L3MBTL4: variants seen among roughly 807,000 people sequenced by gnomAD.
L3MBTL4 encodes the protein lethal(3)malignant brain tumor-like protein 4.
Under a neutral mutation model 84.5 loss-of-function variants are expected in L3MBTL4, and 70 were observed. That is an observed-to-expected ratio of 0.83 (90% confidence interval 0.68 to 1.01). The LOEUF is 1.01. Among genes scored for constraint, L3MBTL4 ranks in the 50% least tolerant of loss-of-function variants. The pLI is 0.00. For missense variants in L3MBTL4, 715 were observed against 754.8 expected (o/e 0.95, Z 0.62); for synonymous variants, 274 against 259.8 (o/e 1.05, Z -0.52).
intron 2 of L3MBTL4, 60 bp downstream of exon 2, chr18:6,311,938 C>T (rs942406967): frequency 3.7e-5 from 10 of 270,856 alleles, no homozygotes; most frequent in Non-Finnish European, 5.8e-5. Context: ...TGCTTTTTTG[C>T]TTAGCTGACC....
At chr18:6,125,178 G>A (rs2059649302) in intron 14 of L3MBTL4, among the ~76,000 whole-genome samples, 1 of 144,728 alleles carries the variant, frequency 6.9e-6, no homozygotes, top group Non-Finnish European at 1.5e-5. Flanking sequence ...AAGGAAGGAG[G>A]AAAGGAAGGA....
intron 1 of L3MBTL4, among the ~76,000 whole-genome samples, chr18:6,325,662 G>A (rs976107318): frequency 6.6e-6 from 1 of 152,188 alleles, no homozygotes; most frequent in African/African-American, 2.4e-5. Context: ...AGCAGTTGGG[G>A]AGGAAAATTA....
chr18:6,012,816 ATGGGAACACGTGCAGTTTCTTG>A (rs753475652), intron 16 of L3MBTL4, among the ~76,000 whole-genome samples: 2 of 152,156 alleles, frequency 1.3e-5, no homozygotes, highest in Non-Finnish European at 2.9e-5. Context: ...GTAAGAATCC[ATGGGAACACGTGCAGTTTCTTG>A]TGGGTCTGTG....
intron 4 of L3MBTL4, among the ~76,000 whole-genome samples, chr18:6,282,715 T>G (rs1343198959): frequency 2.0e-5 from 3 of 152,112 alleles, no homozygotes; most frequent in Non-Finnish European, 4.4e-5. Context: ...AGGATCAGGC[T>G]CATGTACTGA....
At chr18:6,096,814 T>C (rs1213151124) in intron 14 of L3MBTL4, among the ~76,000 whole-genome samples, 3 of 152,216 alleles carry the variant, frequency 2.0e-5, no homozygotes, top group Non-Finnish European at 1.5e-5. Context: ...CTTAAAGTTC[T>C]GTTGGTCAAA....
chr18:6,202,535 A>G (rs979557813), intron 12 of L3MBTL4, among the ~76,000 whole-genome samples: 1 of 152,310 alleles, frequency 6.6e-6, no homozygotes, highest in Admixed American at 6.5e-5. Context: ...TCAGTGGTCC[A>G]GGTGAGATAT....
At chr18:6,405,892 T>C (rs942493204) in intron 1 of L3MBTL4, among the ~76,000 whole-genome samples, 1 of 152,210 alleles carries the variant, frequency 6.6e-6, no homozygotes, top group Admixed American at 6.5e-5. Flanking sequence ...CTGGAACAGG[T>C]CCAGTCTGGG....
In L3MBTL4 at chr18:5,963,691, G is replaced by A. The variant is rs569508451; in HGVS notation, c.1615-3535C>T. ...AGGCCTTGATTCAGTATTATTAGTC[G>A]GTAATTACTTCCCCTACAAATAAAT... On this transcript the variant is annotated intron_variant, in intron 17 of 18. Transcript: ENST00000317931. Among the ~76,000 whole-genome samples the A allele has an allele frequency of 2.8e-4, 43 of 152,292 alleles. No homozygotes were observed. In the South Asian group the frequency reaches 5.6e-3, roughly 20 times the overall value.
intron 10 of L3MBTL4, among the ~76,000 whole-genome samples, chr18:6,225,027 A>T (rs940001101): frequency 1.6e-4 from 25 of 152,210 alleles, no homozygotes; most frequent in Non-Finnish European, 3.5e-4. Context: ...ATCACAGAGG[A>T]TCCATAAGAT....
Position 6,206,050 on chromosome 18 carries a change from T to C in L3MBTL4, c.981+7099A>G, listed in dbSNP as rs1402020588. Among the ~76,000 whole-genome samples the C allele has an allele frequency of 2.0e-5, 3 of 152,198 alleles. No individual in the cohort carries two copies. The East Asian group carries it at 5.8e-4, about 29-fold the overall frequency. On this transcript the variant is annotated intron_variant, in intron 12 of 18. Transcript: ENST00000317931. ...GGTCTGGGAAATGAGGAGGCTTCAT[T>C]ATCACAGCAGGTCAGAGGTCTTATA...
chr18:6,270,642 G>C (rs1271560744), intron 4 of L3MBTL4, among the ~76,000 whole-genome samples: 1 of 152,146 alleles, frequency 6.6e-6, no homozygotes, highest in Non-Finnish European at 1.5e-5. Flanking sequence ...GCAATCCAGG[G>C]AGAAGCAGCA....
At chr18:6,078,130 G>C (rs1299681787) in intron 16 of L3MBTL4, among the ~76,000 whole-genome samples, 1 of 132,590 alleles carries the variant, frequency 7.5e-6, no homozygotes, top group Admixed American at 7.4e-5. Context: ...AAAAAAAAAA[G>C]CTGGCAGGGG....
intron 4 of L3MBTL4, among the ~76,000 whole-genome samples, chr18:6,290,247 A>G (rs889126608): frequency 6.6e-6 from 1 of 151,686 alleles, no homozygotes; most frequent in Non-Finnish European, 1.5e-5. Flanking sequence ...AGCTTCCTAT[A>G]AAAAGGAACA....
chr18:6,112,262 T>G (rs1449568614), intron 14 of L3MBTL4, among the ~76,000 whole-genome samples: 1 of 152,218 alleles, frequency 6.6e-6, no homozygotes, highest in Admixed American at 6.5e-5. Context: ...TATAGACTTT[T>G]AAACCTATTT....
chr18:6,404,330 A>G (rs145912960), intron 1 of L3MBTL4, among the ~76,000 whole-genome samples: 13 of 152,306 alleles, frequency 8.5e-5, no homozygotes, highest in Non-Finnish European at 1.6e-4. Flanking sequence ...TTCTTTCCAT[A>G]TTAGTTTCAA....
At chr18:6,386,748 G>C (rs2054837089) in intron 1 of L3MBTL4, among the ~76,000 whole-genome samples, 1 of 152,218 alleles carries the variant, frequency 6.6e-6, no homozygotes, top group African/African-American at 2.4e-5. Context: ...AGACAGAGCA[G>C]GGTGCACAAA....
At chr18:5,973,611 A>T (rs1364392482) in intron 16 of L3MBTL4, among the ~76,000 whole-genome samples, 1 of 152,248 alleles carries the variant, frequency 6.6e-6, no homozygotes, top group Non-Finnish European at 1.5e-5. Context: ...ATTAAAGAAC[A>T]TAAGCTGATG....
intron 16 of L3MBTL4, among the ~76,000 whole-genome samples, chr18:5,985,876 G>T (rs994661805): frequency 6.6e-6 from 1 of 152,152 alleles, no homozygotes; most frequent in Admixed American, 6.5e-5. Context: ...GACCAGGAGA[G>T]AAGCTAATTC....
intron 10 of L3MBTL4, among the ~76,000 whole-genome samples, chr18:6,237,435 CCTAGTACAT>C (rs2047258805): frequency 6.8e-6 from 1 of 147,786 alleles, no homozygotes; most frequent in Non-Finnish European, 1.5e-5. Flanking sequence ...TCAATGGCTG[CCTAGTACAT>C]CTTTTTTTTT....
Sources: gnomAD v4.1 joint callset for allele counts (sites outside exome capture counted in the v4.1 genomes callset) on GRCh38, gnomAD v4.1.1 for gene constraint, MANE v1.5 for transcripts, NCBI Gene and HGNC (gene_info 2026-07-23, HGNC 2026-07-21) for gene names.